Variants in DIP2B observed in about 807,000 individuals in gnomAD.
The protein encoded by DIP2B is DIP2 acetate--CoA ligase B (putative), also known as disco-interacting protein 2 homolog B.
In DIP2B, 76 loss-of-function variants were observed where a neutral mutation model predicts 198.0. The observed-to-expected ratio is 0.38, with a 90% CI of 0.32 to 0.46. The LOEUF (loss-of-function observed/expected upper bound fraction) is 0.46. DIP2B is among the 20% of genes least tolerant of loss of function. The pLI is 0.99. For missense variants in DIP2B, 1,559 were observed against 1,978.4 expected (o/e 0.79, Z 4.02); for synonymous variants, 701 against 739.1 (o/e 0.95, Z 0.84).
intron 3 of DIP2B, among the ~76,000 whole-genome samples, chr12:50,644,414 G>A (rs1379327866): frequency 1.3e-5 from 2 of 152,176 alleles, no homozygotes; most frequent in Admixed American, 1.3e-4. Context: ...AGGACATTAA[G>A]GGAGTATTCG....
At chr12:50,629,720 A>G (rs1337469781) in intron 2 of DIP2B, among the ~76,000 whole-genome samples, 1 of 152,066 alleles carries the variant, frequency 6.6e-6, no homozygotes, top group East Asian at 1.9e-4. Context: ...TGCCTCTACC[A>G]CCATTACTAA....
chr12:50,629,161 C>T (rs1937994035), intron 2 of DIP2B, among the ~76,000 whole-genome samples: 2 of 152,114 alleles, frequency 1.3e-5, no homozygotes, highest in South Asian at 4.1e-4. Flanking sequence ...GGATTACAGG[C>T]GTCAGCCACC....
In DIP2B at chr12:50,748,099, C is replaced by G. The variant is rs577666898; in HGVS notation, c.*3260C>G. The stretch of plus-strand genomic sequence containing the variant: ...TTGCTTAATGCTTTTGTTGACTCAA[C>G]AAGGGCCCGAGGCCTTAGGTTTTCT... On this transcript the variant is annotated 3_prime_UTR_variant, in exon 38 of 38. Coordinates refer to ENST00000301180, the MANE Select transcript of DIP2B (RefSeq NM_173602.3). The G allele has an allele frequency of 1.3e-5, 2 of 152,596 alleles. No homozygotes were observed. The highest frequency in any genetic ancestry group is 2.9e-5 in the Non-Finnish European group (2 of 68,042). The allele number at this position is 152,596 out of a possible 1,614,324, so 9.5% of individuals were successfully genotyped here.
intron 4 of DIP2B, 40 bp downstream of exon 4, chr12:50,660,359 C>A (rs200447869): frequency 1.3e-6 from 2 of 1,537,960 alleles, no homozygotes; most frequent in East Asian, 4.7e-5. Flanking sequence ...CAGTTAATAC[C>A]TTGATGTTCC....
At chr12:50,598,578 A>G (rs1173239887) in intron 1 of DIP2B, among the ~76,000 whole-genome samples, 1 of 151,976 alleles carries the variant, frequency 6.6e-6, no homozygotes, top group Non-Finnish European at 1.5e-5. Flanking sequence ...CTGGTCATCT[A>G]TAAATGGATG....
intron 3 of DIP2B, among the ~76,000 whole-genome samples, chr12:50,646,128 AT>A (rs900399075): frequency 1.3e-3 from 191 of 151,804 alleles, no homozygotes; most frequent in African/African-American, 4.5e-3. Flanking sequence ...ATTTTATTTT[AT>A]TTTATTTTTT....
intron 29 of DIP2B, 47 bp from the exon 30 acceptor site, chr12:50,728,501 C>T (rs1402980868): frequency 6.3e-7 from 1 of 1,586,896 alleles, no homozygotes; most frequent in Non-Finnish European, 8.6e-7. Flanking sequence ...TGTTACTCTG[C>T]CTGTGGGATA....
At chr12:50,692,225 A>G (rs766020537) in intron 13 of DIP2B, among the ~76,000 whole-genome samples, 1 of 152,132 alleles carries the variant, frequency 6.6e-6, no homozygotes, top group Non-Finnish European at 1.5e-5. Flanking sequence ...TTAGATATCT[A>G]TCTAGATGTA....
chr12:50,571,493 G>C (rs1481401665), intron 1 of DIP2B, among the ~76,000 whole-genome samples: 2 of 149,400 alleles, frequency 1.3e-5, no homozygotes, highest in African/African-American at 2.5e-5. Context: ...CTTTTGAAAG[G>C]CTTTGGCTAT....
At chr12:50,701,387 T>C (rs1428190089) in intron 19 of DIP2B, among the ~76,000 whole-genome samples, 1 of 152,188 alleles carries the variant, frequency 6.6e-6, no homozygotes, top group African/African-American at 2.4e-5. Context: ...TTTTTTGTTG[T>C]TGTTGTTGTT....
At chr12:50,639,038 G>C (rs141079533) in intron 2 of DIP2B, among the ~76,000 whole-genome samples, 1 of 151,686 alleles carries the variant, frequency 6.6e-6, no homozygotes, top group East Asian at 1.9e-4. Context: ...GCCCCCATTC[G>C]TGATAAATCA....
At chr12:50,664,855 T>G (rs1310374292) in intron 4 of DIP2B, among the ~76,000 whole-genome samples, 1 of 33,086 alleles carries the variant, frequency 3.0e-5, no homozygotes, top group African/African-American at 8.4e-5. Flanking sequence ...TTTTTTTTTT[T>G]TTTTTTTTTT....
intron 25 of DIP2B, among the ~76,000 whole-genome samples, chr12:50,720,725 G>A (rs1047213166): frequency 6.6e-6 from 1 of 152,180 alleles, no homozygotes; most frequent in Non-Finnish European, 1.5e-5. Flanking sequence ...GAGGCTGCAA[G>A]CTGCAGTGAG....
At chr12:50,533,575 C>T (rs1051145721) in intron 1 of DIP2B, among the ~76,000 whole-genome samples, 1 of 151,044 alleles carries the variant, frequency 6.6e-6, no homozygotes, top group African/African-American at 2.4e-5. Flanking sequence ...GGATTCTAAC[C>T]ATTTTTTAAC....
rs1034087664 is a variant in DIP2B at position 50,728,454 on chromosome 12, T to G, written c.3511-94T>G. On this transcript the variant is annotated intron_variant, in intron 29 of 37. Transcript: ENST00000301180. ...AAAATTATGCATTGTTTTGAGGAGTTTAGGGAATTGAAACTCCTCAAAGCT... is the reference window on the plus strand; with the variant it reads ...AAAATTATGCATTGTTTTGAGGAGTGTAGGGAATTGAAACTCCTCAAAGCT... The G allele has an allele frequency of 2.8e-5, 40 of 1,428,392 alleles. No homozygotes were observed. In the African/African-American group the frequency reaches 4.4e-4, roughly 16 times the overall value. The allele number at this position is 1,428,392 out of a possible 1,614,324, so 88.5% of individuals were successfully genotyped here.
At chr12:50,610,502 G>T (rs1230945361) in intron 1 of DIP2B, among the ~76,000 whole-genome samples, 1 of 119,958 alleles carries the variant, frequency 8.3e-6, no homozygotes, top group African/African-American at 3.4e-5. Flanking sequence ...TATTGGAGAT[G>T]TAAATATCTT....
chr12:50,525,669 C>T (rs1958157699), intron 1 of DIP2B, among the ~76,000 whole-genome samples: 1 of 151,916 alleles, frequency 6.6e-6, no homozygotes, highest in African/African-American at 2.4e-5. Flanking sequence ...TGCACTATCA[C>T]ACCTTGCTAA....
intron 4 of DIP2B, among the ~76,000 whole-genome samples, chr12:50,669,171 G>A (rs1281174149): frequency 6.6e-6 from 1 of 152,090 alleles, no homozygotes; most frequent in Non-Finnish European, 1.5e-5. Flanking sequence ...CTTAGCATCT[G>A]TTTTATTCTT....
chr12:50,683,287 G>A (rs1939076102), intron 10 of DIP2B, 39 bp downstream of exon 10: 7 of 1,539,136 alleles, frequency 4.5e-6, no homozygotes, highest in African/African-American at 2.8e-5. Flanking sequence ...AGCCTGATGT[G>A]ACATGGCAGG....
Sources: allele counts gnomAD v4.1 joint callset (sites outside exome capture counted in the v4.1 genomes callset), GRCh38; gene constraint gnomAD v4.1.1; transcripts MANE v1.5; gene names NCBI Gene and HGNC (gene_info 2026-07-23, HGNC 2026-07-21).